Variants in MSH3 observed in about 807,000 individuals in gnomAD.
MSH3 encodes DNA mismatch repair protein Msh3.
A neutral mutation model predicts 123.3 loss-of-function variants in MSH3; 106 were observed. The ratio of observed to expected loss-of-function variants is 0.86; its 90% CI spans 0.73 to 1.01. MSH3 has a LOEUF of 1.01. MSH3 is among the 50% of genes least tolerant of loss of function. MSH3 has a pLI of 0.00. For missense variants in MSH3, 1,459 were observed against 1,347.6 expected (o/e 1.08, Z -1.29); for synonymous variants, 515 against 481.4 (o/e 1.07, Z -0.91).
Position 80,743,804 on chromosome 5 carries a change from A to G in MSH3, c.1654-702A>G, listed in dbSNP as rs1469434142. Reference sequence around the variant, plus strand: ...GCTTGCAGTGAGCCGAGATCGCGCCACTGCACTCCAGCCTGGGCGACAGAG... The same window carrying G: ...GCTTGCAGTGAGCCGAGATCGCGCCGCTGCACTCCAGCCTGGGCGACAGAG... On this transcript the variant is annotated intron_variant, in intron 11 of 23. Coordinates refer to ENST00000265081, the MANE Select transcript of MSH3 (RefSeq NM_002439.5). Among the ~76,000 whole-genome samples the G allele has an allele frequency of 1.8e-5, 2 of 109,694 alleles. 1 individual carries two copies. The highest frequency in any genetic ancestry group is 3.7e-5 in the Non-Finnish European group (2 of 53,712). The allele number at this position is 109,694 out of a possible 152,430, so 72.0% of individuals were successfully genotyped here.
chr5:80,875,325 AAAGT>A (rs957555329), intron 23 of MSH3, among the ~76,000 whole-genome samples: 3 of 152,232 alleles, frequency 2.0e-5, no homozygotes, highest in Non-Finnish European at 2.9e-5. Flanking sequence ...AAAAAAAAAA[AAAGT>A]AAGTCTGTGT....
Position 80,864,817 on chromosome 5 carries a change from A to G in MSH3, c.3005A>G (p.Lys1002Arg). The change falls in exon 22 of 24, where the codon AAA becomes AGA. Residue 1002 changes from lysine to arginine, a missense_variant. Coordinates refer to ENST00000265081, the MANE Select transcript of MSH3 (RefSeq NM_002439.5). The part of the protein sequence containing the change: ...ATLEYFIRDV[K>R]SLTLFVTHYP... ...TATTCTGTCTTATTGCTTTAGGTGA[A>G]ATCCTTAACCCTGTTTGTCACCCAT... The G allele has an allele frequency of 6.2e-7, 1 of 1,610,928 alleles. No homozygotes were observed. Among genetic ancestry groups the G allele is most frequent in the Non-Finnish European group, 8.5e-7 (1 of 1,177,110 alleles).
intron 20 of MSH3, among the ~76,000 whole-genome samples, chr5:80,825,225 A>G (rs1745273649): frequency 6.6e-6 from 1 of 152,144 alleles, no homozygotes; most frequent in Non-Finnish European, 1.5e-5. Flanking sequence ...TACCCTATCC[A>G]TAGTAACTAA....
intron 11 of MSH3, among the ~76,000 whole-genome samples, chr5:80,743,123 A>G (rs1297417695): frequency 6.6e-6 from 1 of 152,056 alleles, no homozygotes; most frequent in Non-Finnish European, 1.5e-5. Context: ...GGGTGTCAGC[A>G]AGAACAAGGA....
intron 22 of MSH3, among the ~76,000 whole-genome samples, chr5:80,867,996 C>T (rs985279279): frequency 1.3e-5 from 2 of 152,022 alleles, no homozygotes; most frequent in Non-Finnish European, 2.9e-5. Context: ...AATCTTTGCC[C>T]GTTCCTATGT....
intron 10 of MSH3, among the ~76,000 whole-genome samples, chr5:80,739,868 GCT>G (rs1456043536): frequency 6.6e-6 from 1 of 152,162 alleles, no homozygotes; most frequent in Non-Finnish European, 1.5e-5. Context: ...GGTTTTTCGG[GCT>G]CTGATATTAG....
At chr5:80,733,363 G>C (rs986670141) in intron 10 of MSH3, among the ~76,000 whole-genome samples, 1 of 152,118 alleles carries the variant, frequency 6.6e-6, no homozygotes, top group African/African-American at 2.4e-5. Context: ...AGTTAACACT[G>C]TTATACTCTT....
chr5:80,725,417 A>C (rs1184364119), intron 8 of MSH3, 36 bp from the exon 9 acceptor site: 1 of 1,432,116 alleles, frequency 7.0e-7, no homozygotes, highest in South Asian at 1.1e-5. Flanking sequence ...ATGATAATGG[A>C]TAAGTTATCT....
chr5:80,755,891 C>T (rs949851848), intron 12 of MSH3, among the ~76,000 whole-genome samples: 2 of 152,078 alleles, frequency 1.3e-5, no homozygotes, highest in Non-Finnish European at 2.9e-5. Context: ...CTGAGGAAAA[C>T]GTTTCTAAGA....
intron 12 of MSH3, among the ~76,000 whole-genome samples, chr5:80,756,988 C>T (rs1444489486): frequency 2.0e-5 from 3 of 152,144 alleles, no homozygotes; most frequent in African/African-American, 7.2e-5. Flanking sequence ...TCTGTGCTGT[C>T]TTAAAAGTCA....
intron 8 of MSH3, among the ~76,000 whole-genome samples, chr5:80,713,013 G>A (rs1356878755): frequency 6.6e-6 from 1 of 152,138 alleles, no homozygotes; most frequent in Non-Finnish European, 1.5e-5. Flanking sequence ...GAACTCATCA[G>A]TGCTATTATT....
intron 20 of MSH3, among the ~76,000 whole-genome samples, chr5:80,824,500 C>A (rs1745260218): frequency 6.6e-6 from 1 of 152,212 alleles, no homozygotes; most frequent in African/African-American, 2.4e-5. Flanking sequence ...CTGGAAGTCA[C>A]ATTTTAAAAG....
intron 8 of MSH3, among the ~76,000 whole-genome samples, chr5:80,718,365 T>G (rs1344107723): frequency 1.3e-5 from 2 of 152,226 alleles, no homozygotes; most frequent in African/African-American, 4.8e-5. Flanking sequence ...GTGATCCCCC[T>G]TCTCAGCTCC....
chr5:80,820,952 G>T (rs919825149), intron 20 of MSH3, among the ~76,000 whole-genome samples: 7 of 152,154 alleles, frequency 4.6e-5, no homozygotes, highest in African/African-American at 1.7e-4. Context: ...TCCCTAAAGT[G>T]GGAAGTCTCA....
chr5:80,716,808 A>G (rs1359629664), intron 8 of MSH3, among the ~76,000 whole-genome samples: 2 of 152,214 alleles, frequency 1.3e-5, no homozygotes, highest in Non-Finnish European at 2.9e-5. Flanking sequence ...CTGTGCTATC[A>G]AACACTAGAA....
At chr5:80,741,581 A>G (rs376988157) in intron 11 of MSH3, 33 bp downstream of exon 11, 6 of 1,519,904 alleles carry the variant, frequency 3.9e-6, no homozygotes, top group Non-Finnish European at 5.5e-6. Context: ...TTGATTATAA[A>G]TCGTTTTGGG....
chr5:80,779,665 T>A (rs1744374664), intron 17 of MSH3, among the ~76,000 whole-genome samples: 1 of 150,700 alleles, frequency 6.6e-6, no homozygotes, highest in Non-Finnish European at 1.5e-5. Flanking sequence ...CCTCAGTCAT[T>A]CTCCCACCTC....
At chr5:80,758,097 C>T (rs562017248) in intron 12 of MSH3, among the ~76,000 whole-genome samples, 3 of 152,140 alleles carry the variant, frequency 2.0e-5, no homozygotes, top group Non-Finnish European at 2.9e-5. Context: ...CTCAGCACAG[C>T]GAGTACTTCA....
At chr5:80,841,801 A>G (rs565667764) in intron 20 of MSH3, among the ~76,000 whole-genome samples, 2 of 152,210 alleles carry the variant, frequency 1.3e-5, no homozygotes, top group South Asian at 2.1e-4. Flanking sequence ...GATTCTGGAT[A>G]TTAGCCCTTT....
Sources: allele counts gnomAD v4.1 joint callset (sites outside exome capture counted in the v4.1 genomes callset), GRCh38; gene constraint gnomAD v4.1.1; transcripts MANE v1.5; gene names NCBI Gene and HGNC (gene_info 2026-07-23, HGNC 2026-07-21).